LNPK: variants seen among roughly 807,000 people sequenced by gnomAD.
LNPK encodes the protein endoplasmic reticulum junction formation protein lunapark.
In LNPK, 29 loss-of-function variants were observed where a neutral mutation model predicts 55.2. The observed-to-expected ratio is 0.53, with a 90% CI of 0.39 to 0.72. LNPK has a LOEUF of 0.72. Ranked by LOEUF, LNPK falls within the 30% of genes least tolerant of loss-of-function variation. The probability of loss-of-function intolerance (pLI) is 0.00; values close to 1 mark genes in which losing one functional copy is unlikely to be tolerated. For missense variants in LNPK, 467 were observed against 494.8 expected, an observed-to-expected ratio of 0.94 and a Z score of 0.53; for synonymous variants, 162 against 168.2, an observed-to-expected ratio of 0.96 and a Z score of 0.29.
intron 5 of LNPK, among the ~76,000 whole-genome samples, chr2:175,973,051 A>T (rs1093743): frequency 0.27 from 41,319 of 151,946 alleles, 6,223 homozygotes; most frequent in South Asian, 0.42. Flanking sequence ...TAGCACTTTT[A>T]AAAAAAATTA....
At chr2:175,994,027 C>T (rs1687823096) in intron 2 of LNPK, 1 of 237,168 alleles carries the variant, frequency 4.2e-6, no homozygotes, top group Admixed American at 6.5e-5. Flanking sequence ...AAAAGGACAT[C>T]TAAGAATACT....
chr2:175,981,166 C>T (rs995950346), intron 4 of LNPK, among the ~76,000 whole-genome samples: 1 of 152,190 alleles, frequency 6.6e-6, no homozygotes, highest in Non-Finnish European at 1.5e-5. Flanking sequence ...GTGCCACCAA[C>T]AGCATGGCAG....
In LNPK at chr2:175,929,143, C is replaced by T; in HGVS notation, c.*824G>A. The T allele has an allele frequency of 1.0e-6, 1 of 982,474 alleles. No homozygotes were observed. Among genetic ancestry groups the T allele is most frequent in the Non-Finnish European group, 1.2e-6 (1 of 827,020 alleles). The allele number at this position is 982,474 out of a possible 1,614,324, so 60.9% of individuals were successfully genotyped here. A position where few individuals can be genotyped will look rare whatever the true frequency, so the allele number is the denominator to read the frequency against. Reference sequence around the variant, plus strand: ...ACTGATGCCAGATTATTTTCATTTTCCTTAATAAAATACAAACAAGAGCAC... The same window carrying T: ...ACTGATGCCAGATTATTTTCATTTTTCTTAATAAAATACAAACAAGAGCAC... On this transcript the variant is annotated 3_prime_UTR_variant, in exon 13 of 13. Transcript: ENST00000272748.
At chr2:175,970,839 T>C in intron 5 of LNPK, 35 bp from the exon 6 acceptor site, 3 of 1,386,074 alleles carry the variant, frequency 2.2e-6, no homozygotes, top group Non-Finnish European at 2.9e-6. Context: ...GATTAAGATA[T>C]TTAGATATAA....
chr2:175,998,038 C>T (rs1688012825), intron 1 of LNPK, among the ~76,000 whole-genome samples: 1 of 151,990 alleles, frequency 6.6e-6, no homozygotes, highest in South Asian at 2.1e-4. Context: ...GCACCACGCC[C>T]GGCCCAAATA....
chr2:175,972,207 G>T (rs900169568), intron 5 of LNPK, among the ~76,000 whole-genome samples: 14 of 152,072 alleles, frequency 9.2e-5, no homozygotes, highest in African/African-American at 3.1e-4. Flanking sequence ...GAGCCACTGA[G>T]CCCAGCCTAA....
At chr2:175,942,610 T>C (rs1175023136) in intron 9 of LNPK, among the ~76,000 whole-genome samples, 2 of 151,534 alleles carry the variant, frequency 1.3e-5, no homozygotes, top group Non-Finnish European at 3.0e-5. Context: ...AAATGAAAAT[T>C]AGAAAGTATT....
At chr2:175,963,294 T>G (rs1443968131) in intron 8 of LNPK, among the ~76,000 whole-genome samples, 1 of 152,170 alleles carries the variant, frequency 6.6e-6, no homozygotes, top group African/African-American at 2.4e-5. Context: ...AGCAAAGACT[T>G]GGAACCAACC....
chr2:175,997,747 T>A (rs1688000977), intron 1 of LNPK, among the ~76,000 whole-genome samples: 2 of 66,324 alleles, frequency 3.0e-5, no homozygotes, highest in South Asian at 1.3e-3. Context: ...ATAAATATAA[T>A]TTTTTTTTGA....
At chr2:175,980,145 G>C (rs565573543) in intron 4 of LNPK, among the ~76,000 whole-genome samples, 35 of 152,260 alleles carry the variant, frequency 2.3e-4, no homozygotes, top group Non-Finnish European at 3.5e-4. Context: ...AAAGACCATT[G>C]CTTTCATCAG....
intron 4 of LNPK, 105 bp from the exon 5 acceptor site, chr2:175,979,973 GT>G: frequency 9.3e-7 from 1 of 1,069,748 alleles, no homozygotes; most frequent in Non-Finnish European, 1.3e-6. Flanking sequence ...TAGGTACATT[GT>G]TTCCCTTTAT....
intron 11 of LNPK, 68 bp downstream of exon 11, chr2:175,938,245 T>C (rs1684648316): frequency 3.1e-6 from 3 of 979,280 alleles, no homozygotes; most frequent in Admixed American, 1.9e-5. Context: ...TGACACTGCA[T>C]AGAAAATGGC....
At chr2:175,934,317 G>A (rs1684434889) in intron 12 of LNPK, among the ~76,000 whole-genome samples, 1 of 151,900 alleles carries the variant, frequency 6.6e-6, no homozygotes, top group South Asian at 2.1e-4. Context: ...GCAACCTAAT[G>A]GTAACAGTAT....
At chr2:175,979,586 T>C (rs926265138) in intron 5 of LNPK, among the ~76,000 whole-genome samples, 1 of 150,774 alleles carries the variant, frequency 6.6e-6, no homozygotes, top group Non-Finnish European at 1.5e-5. Flanking sequence ...AAAAAAAAAG[T>C]TTGTTTTGTG....
At chr2:176,002,101 G>A in intron 1 of LNPK, 59 bp downstream of exon 1, 3 of 372,174 alleles carry the variant, frequency 8.1e-6, no homozygotes, top group South Asian at 1.9e-5. Flanking sequence ...CAGGGGCACA[G>A]CTCAGCATGC....
intron 6 of LNPK, among the ~76,000 whole-genome samples, chr2:175,965,119 G>T (rs1234427933): frequency 6.6e-6 from 1 of 152,146 alleles, no homozygotes; most frequent in South Asian, 2.1e-4. Flanking sequence ...GAACAGCCAT[G>T]GAATTTGCTC....
chr2:175,992,292 G>T lies in LNPK; in HGVS notation c.196C>A (p.Leu66Ile). ...FTCLIVYLWY[L>I]PDEFTARLAM... ...AGTCTTGCTGTAAATTCATCAGGAAGATACCACAAATATACAATTAAGCAT... is the reference window on the plus strand; with the variant it reads ...AGTCTTGCTGTAAATTCATCAGGAATATACCACAAATATACAATTAAGCAT... Residue 66 changes from leucine (L) to isoleucine (I), a missense_variant, in exon 4 of 13, where the codon CTT (leucine) becomes ATT (isoleucine). Physicochemically the swap from Leu to Ile is conservative, Grantham distance 5 (BLOSUM62 2). Coordinates refer to ENST00000272748, the MANE Select transcript of LNPK (RefSeq NM_030650.3). 1 of 1,573,958 alleles carries T rather than the reference G, an allele frequency of 6.4e-7. No individual in the cohort carries two copies. Among genetic ancestry groups the T allele is most frequent in the African/African-American group, 1.4e-5 (1 of 72,240 alleles).
intron 6 of LNPK, chr2:175,967,683 G>A: frequency 1.0e-6 from 1 of 983,604 alleles, no homozygotes; most frequent in Non-Finnish European, 1.2e-6. Context: ...TTTGAGGTTT[G>A]CTGTTGAAAT....
At chr2:176,002,404 T>A (rs975962871), upstream of LNPK, 11 of 348,058 alleles carry the variant, frequency 3.2e-5, no homozygotes, top group Admixed American at 7.8e-5. Flanking sequence ...GGCCGGGAGG[T>A]TAGGATCTTG....
Sources: allele counts gnomAD v4.1 joint callset (sites outside exome capture counted in the v4.1 genomes callset), GRCh38; gene constraint gnomAD v4.1.1; transcripts MANE v1.5; gene names NCBI Gene and HGNC (gene_info 2026-07-23, HGNC 2026-07-21).